Variants in GPR180 observed in about 807,000 individuals in gnomAD.
GPR180 encodes integral membrane protein GPR180.
Under a neutral mutation model 52.6 loss-of-function variants are expected in GPR180, and 53 were observed. The ratio of observed to expected loss-of-function variants is 1.01; its 90% CI spans 0.81 to 1.27. The LOEUF (loss-of-function observed/expected upper bound fraction) is 1.27, where lower values mean the gene tolerates loss of function less well. Among genes scored for constraint, GPR180 ranks in the 50% most tolerant of loss-of-function variants. The pLI is 0.00. For synonymous variants in GPR180, 200 were observed against 193.1 expected, an observed-to-expected ratio of 1.04 and a Z score of -0.30; for missense variants, 533 against 527.0, an observed-to-expected ratio of 1.01 and a Z score of -0.11.
intron 3 of GPR180, among the ~76,000 whole-genome samples, chr13:94,617,171 G>C (rs1889789949): frequency 1.3e-5 from 2 of 152,012 alleles, no homozygotes; most frequent in South Asian, 4.1e-4. Flanking sequence ...TCATGGTAGA[G>C]TTGTAACTTC....
intron 6 of GPR180, among the ~76,000 whole-genome samples, chr13:94,621,860 A>G (rs984103600): frequency 6.6e-6 from 1 of 152,106 alleles, no homozygotes; most frequent in Non-Finnish European, 1.5e-5. Context: ...GCCTATGTTC[A>G]ATGGATTTGT....
chr13:94,632,447 C>T lies in GPR180; in HGVS notation c.*5276C>T, dbSNP rs1187553254. The T allele has an allele frequency of 6.6e-6, 1 of 152,126 alleles. No individual in the cohort carries two copies. Among genetic ancestry groups the T allele is most frequent in the Non-Finnish European group, 1.5e-5 (1 of 68,026 alleles). 9.4% of individuals were successfully genotyped at this position (152,126 alleles called of 1,614,324 possible). ...TCAGCAATTTATTCTGTAGCCTTACCTAGAATTGTCCCATTTTTTTCACCA... is the reference window on the plus strand; with the variant it reads ...TCAGCAATTTATTCTGTAGCCTTACTTAGAATTGTCCCATTTTTTTCACCA... On this transcript the variant is annotated 3_prime_UTR_variant, in exon 9 of 9. Coordinates refer to ENST00000376958, the MANE Select transcript of GPR180 (RefSeq NM_180989.6).
chr13:94,623,738 A>T (rs1403916256), intron 7 of GPR180, among the ~76,000 whole-genome samples: 1 of 150,724 alleles, frequency 6.6e-6, no homozygotes, highest in African/African-American at 2.4e-5. Flanking sequence ...TAAGTTCTTT[A>T]TGTGGTTCAA....
At position 94,619,173 on chromosome 13, in the gene GPR180, C is replaced by T; in HGVS notation, c.529C>T (p.Leu177=). 1 of 1,613,656 alleles carries T rather than the reference C, an allele frequency of 6.2e-7. No individual in the cohort carries two copies. The highest frequency in any genetic ancestry group is 8.5e-7 in the Non-Finnish European group (1 of 1,179,844). The change falls in exon 4 of 9, where the codon CTA becomes TTA. Residue 177 remains leucine, a synonymous_variant. Transcript: ENST00000376958. The part of the protein sequence containing the change: ...ESGLHEFFFL[L]VLVYFVIACI... ...AGGGTTACATGAGTTCTTTTTCCTCCTAGTCCTAGTGTACTTTGTGATTGC... is the reference window on the plus strand; with the variant it reads ...AGGGTTACATGAGTTCTTTTTCCTCTTAGTCCTAGTGTACTTTGTGATTGC...
Position 94,631,741 on chromosome 13 carries a change from C to A in GPR180, c.*4570C>A, listed in dbSNP as rs1269176570. ...AGTACCCGTAGTGACTTCAATAATACCTTGCCTATTCTTTGTTCAATTGCA... is the reference window on the plus strand; with the variant it reads ...AGTACCCGTAGTGACTTCAATAATAACTTGCCTATTCTTTGTTCAATTGCA... On this transcript the variant is annotated 3_prime_UTR_variant, in exon 9 of 9. Coordinates refer to ENST00000376958, the MANE Select transcript of GPR180 (RefSeq NM_180989.6). The A allele has an allele frequency of 3.3e-5, 5 of 151,626 alleles. No homozygotes were observed. Among genetic ancestry groups the A allele is most frequent in the African/African-American group, 1.2e-4 (5 of 41,186 alleles). 9.4% of individuals were successfully genotyped at this position (151,626 alleles called of 1,614,324 possible). A position where few individuals can be genotyped will look rare whatever the true frequency, so the allele number is the denominator to read the frequency against.
chr13:94,617,503 T>A (rs1477518222), intron 3 of GPR180, among the ~76,000 whole-genome samples: 1 of 152,194 alleles, frequency 6.6e-6, no homozygotes, highest in Non-Finnish European at 1.5e-5. Context: ...TTTCCCTTCC[T>A]GAAGTCTAAA....
chr13:94,602,527 T>A (rs1166457814), intron 1 of GPR180, among the ~76,000 whole-genome samples: 3 of 150,020 alleles, frequency 2.0e-5, no homozygotes, highest in Admixed American at 6.6e-5. Context: ...TGAGACCTAC[T>A]TGCAACAGAG....
At position 94,601,924 on chromosome 13, in the gene GPR180, G is replaced by A. The variant is rs535939115; in HGVS notation, c.-4G>A. ...GAGGCGTCGGTGCAGACCTGGAGAC[G>A]GGCATGGGGGGGCTGCGGCTGCTGG... On this transcript the variant is annotated 5_prime_UTR_variant, in exon 1 of 9. Coordinates refer to ENST00000376958, the MANE Select transcript of GPR180 (RefSeq NM_180989.6). 8.1e-6 allele frequency: 12 copies of A among 1,484,236 alleles called. No individual in the cohort carries two copies. The highest frequency in any genetic ancestry group is 7.8e-5 in the South Asian group (6 of 77,286). 91.9% of individuals were successfully genotyped at this position (1,484,236 alleles called of 1,614,324 possible).
At position 94,605,735 on chromosome 13, in the gene GPR180, G is replaced by GA. The variant is rs199535213; in HGVS notation, c.304+195dup. 3.0e-3 allele frequency among the ~76,000 whole-genome samples: 453 copies of GA among 150,402 alleles called. 2 individuals carry two copies. Among genetic ancestry groups the GA allele is most frequent in the African/African-American group, 9.9e-3 (405 of 41,044 alleles). On this transcript the variant is annotated intron_variant, in intron 2 of 8. Transcript: ENST00000376958. ...TCCCTTTTTATCATTCATCGTTTTT[G>GA]AAAAAAAAATCCAGATAATTTATAT...
rs1040888693 is a variant in GPR180, at chr13:94,627,278, G to A, written c.*107G>A. 20 of 853,688 alleles carry A rather than the reference G, an allele frequency of 2.3e-5. No homozygotes were observed. The highest frequency in any genetic ancestry group is 1.4e-4 in the South Asian group (9 of 62,568). The allele number at this position is 853,688 out of a possible 1,614,324, so 52.9% of individuals were successfully genotyped here. A position where few individuals can be genotyped will look rare whatever the true frequency, so the allele number is the denominator to read the frequency against. The stretch of plus-strand genomic sequence containing the variant: ...CATTTAGTATGAAAACTTGAACAGC[G>A]AAAGCAGAGCATGTTATTTATATAA... On this transcript the variant is annotated 3_prime_UTR_variant, in exon 9 of 9. Coordinates refer to ENST00000376958, the MANE Select transcript of GPR180 (RefSeq NM_180989.6).
intron 3 of GPR180, among the ~76,000 whole-genome samples, chr13:94,618,637 A>G (rs995255340): frequency 1.3e-5 from 2 of 152,002 alleles, no homozygotes; most frequent in Non-Finnish European, 2.9e-5. Flanking sequence ...TTCTGATTCA[A>G]TAGATCAAAA....
At chr13:94,617,805 C>T (rs1889797393) in intron 3 of GPR180, among the ~76,000 whole-genome samples, 1 of 152,194 alleles carries the variant, frequency 6.6e-6, no homozygotes, top group African/African-American at 2.4e-5. Context: ...CATCCATAGA[C>T]TCAATTAAGA....
chr13:94,628,846 A>G lies in GPR180; in HGVS notation c.*1675A>G, dbSNP rs1889959374. ...TGTCTGTTGTGTTCAGCTGAGATGC[A>G]AAAAAGAAATTAAGCAAAAAAGAAA... On this transcript the variant is annotated 3_prime_UTR_variant, in exon 9 of 9. Coordinates refer to ENST00000376958, the MANE Select transcript of GPR180 (RefSeq NM_180989.6). 1 of 152,066 alleles carries G rather than the reference A, an allele frequency of 6.6e-6. No homozygotes were observed. The highest frequency in any genetic ancestry group is 1.9e-4 in the East Asian group (1 of 5,196). 9.4% of individuals were successfully genotyped at this position (152,066 alleles called of 1,614,324 possible). A position where few individuals can be genotyped will look rare whatever the true frequency, so the allele number is the denominator to read the frequency against.
Position 94,601,955 on chromosome 13 carries a change from G to A in GPR180, c.28G>A (p.Ala10Thr), listed in dbSNP as rs756337920. 11 of 1,497,646 alleles carry A rather than the reference G, an allele frequency of 7.3e-6. No individual in the cohort carries two copies. In the East Asian group the frequency reaches 2.5e-4, roughly 35 times the overall value. 92.8% of individuals were successfully genotyped at this position (1,497,646 alleles called of 1,614,324 possible). The change falls in exon 1 of 9, where the codon GCC becomes ACC. Residue 10 changes from alanine to threonine, a missense_variant. Transcript: ENST00000376958. MGGLRLLAV[A>T]LTCCWWPQGS... The stretch of plus-strand genomic sequence containing the variant: ...GGGGGGGCTGCGGCTGCTGGCTGTG[G>A]CCCTCACGTGCTGCTGGTGGCCGCA...
chr13:94,619,001 A>T, intron 3 of GPR180, 149 bp from the exon 4 acceptor site: 2 of 652,210 alleles, frequency 3.1e-6, no homozygotes, highest in Non-Finnish European at 4.8e-6. Flanking sequence ...TTTAAGTTTT[A>T]ATAATTTTTT....
At chr13:94,619,985 G>A (rs1889831700) in intron 5 of GPR180, among the ~76,000 whole-genome samples, 1 of 152,170 alleles carries the variant, frequency 6.6e-6, no homozygotes, top group Non-Finnish European at 1.5e-5. Context: ...GCCTCCCAAA[G>A]TCCTGGAATT....
chr13:94,632,189 CAA>C lies in GPR180; in HGVS notation c.*5020_*5021del, dbSNP rs1336455565. 6.6e-6 allele frequency: 1 copy of C among 152,130 alleles called. No individual in the cohort carries two copies. The highest frequency in any genetic ancestry group is 1.5e-5 in the Non-Finnish European group (1 of 68,036). The allele number at this position is 152,130 out of a possible 1,614,324, so 9.4% of individuals were successfully genotyped here. A position where few individuals can be genotyped will look rare whatever the true frequency, so the allele number is the denominator to read the frequency against. ...AGTTATAAGTTATGTTCAGTAGCCTCAAAGAAGTATGCGAAAACCTTCTAATG... is the reference window on the plus strand; with the variant it reads ...AGTTATAAGTTATGTTCAGTAGCCTCAGAAGTATGCGAAAACCTTCTAATG... On this transcript the variant is annotated 3_prime_UTR_variant, in exon 9 of 9. Coordinates refer to ENST00000376958, the MANE Select transcript of GPR180 (RefSeq NM_180989.6).
Position 94,605,418 on chromosome 13 carries a change from T to C in GPR180, c.173T>C (p.Ile58Thr), listed in dbSNP as rs778200997. 6.2e-7 allele frequency: 1 copy of C among 1,614,062 alleles called. No individual in the cohort carries two copies. The highest frequency in any genetic ancestry group is 2.2e-5 in the East Asian group (1 of 44,860). The stretch of plus-strand genomic sequence containing the variant: ...GACCATGCTCTTCTGTGTGTCAGAA[T>C]CAACAACATAGCAGTAGCTGTTGGA... Reference protein sequence around the residue: ...HGDHALLCVRINNIAVAVGKE... With the variant: ...HGDHALLCVRTNNIAVAVGKE... Residue 58 changes from isoleucine (I) to threonine (T), a missense_variant, in exon 2 of 9, where the codon ATC becomes ACC. Transcript: ENST00000376958.
intron 7 of GPR180, 109 bp from the exon 8 acceptor site, chr13:94,625,857 C>A: frequency 1.6e-6 from 1 of 606,572 alleles, no homozygotes; most frequent in Non-Finnish European, 3.0e-6. Context: ...ACTCTAAAGG[C>A]CTGTTGAGGT....
Sources: allele counts gnomAD v4.1 joint callset (sites outside exome capture counted in the v4.1 genomes callset), GRCh38; gene constraint gnomAD v4.1.1; transcripts MANE v1.5; gene names NCBI Gene and HGNC (gene_info 2026-07-23, HGNC 2026-07-21).